RNF220: variants seen among roughly 807,000 people sequenced by gnomAD.
RNF220 encodes ring finger protein 220, also known as E3 ubiquitin-protein ligase RNF220.
Under a neutral mutation model 67.1 loss-of-function variants are expected in RNF220, and 7 were observed. That is an observed-to-expected ratio of 0.10 (90% confidence interval 0.06 to 0.20). RNF220 has a LOEUF of 0.20. Ranked by LOEUF, RNF220 falls within the 10% of genes least tolerant of loss-of-function variation. The probability of loss-of-function intolerance (pLI) is 1.00; values close to 1 mark genes in which losing one functional copy is unlikely to be tolerated. For synonymous variants in RNF220, 270 were observed against 283.2 expected, an observed-to-expected ratio of 0.95 and a Z score of 0.47; for missense variants, 565 against 740.3, an observed-to-expected ratio of 0.76 and a Z score of 2.75.
chr1:44,631,979 GGCCGCCGCCGCCGCTTGGAGCTGAAGT>G (rs1557459626), intron 5 of RNF220: 40 of 1,001,720 alleles, frequency 4.0e-5, no homozygotes, highest in African/African-American at 1.0e-4. Context: ...GGGCCAACAT[GGCCGCCGCCGCCGCTTGGAGCTGAAGT>G]GCCGCCGCCG....
chr1:44,644,546 G>A (rs1644580371), intron 8 of RNF220, 152 bp from the exon 9 acceptor site: 2 of 606,142 alleles, frequency 3.3e-6, no homozygotes, highest in Non-Finnish European at 5.9e-6. Flanking sequence ...CAGGGTCAGG[G>A]GCACTGAAGT....
At chr1:44,599,505 T>G (rs1009592048) in intron 2 of RNF220, among the ~76,000 whole-genome samples, 2 of 152,010 alleles carry the variant, frequency 1.3e-5, no homozygotes, top group Admixed American at 6.6e-5. Flanking sequence ...CAACCCTATC[T>G]CTACAAAAAG....
intron 6 of RNF220, 88 bp downstream of exon 6, chr1:44,632,473 C>T (rs1234991834): frequency 2.8e-6 from 3 of 1,083,582 alleles, no homozygotes; most frequent in Non-Finnish European, 2.5e-6. Context: ...TTGCCTGGGT[C>T]TCTTCGACTC....
chr1:44,515,700 A>C (rs1659401600), intron 2 of RNF220, among the ~76,000 whole-genome samples: 1 of 152,162 alleles, frequency 6.6e-6, no homozygotes, highest in South Asian at 2.1e-4. Context: ...CATGAAAATC[A>C]CACAGTATGA....
chr1:44,443,959 C>T (rs115758150), intron 2 of RNF220, among the ~76,000 whole-genome samples: 2,488 of 152,224 alleles, frequency 0.016, 69 homozygotes, highest in African/African-American at 0.055. Flanking sequence ...AACATGTTGG[C>T]GCATGCCTGT....
intron 2 of RNF220, among the ~76,000 whole-genome samples, chr1:44,414,450 C>T (rs1361104931): frequency 6.6e-6 from 1 of 152,220 alleles, no homozygotes; most frequent in Non-Finnish European, 1.5e-5. Context: ...TCCAGCTTGT[C>T]TCCATTTTTC....
intron 2 of RNF220, among the ~76,000 whole-genome samples, chr1:44,423,653 G>T (rs1201988655): frequency 6.6e-6 from 1 of 152,104 alleles, no homozygotes; most frequent in African/African-American, 2.4e-5. Flanking sequence ...TAGATTAAGG[G>T]TCCTCATCTT....
intron 2 of RNF220, among the ~76,000 whole-genome samples, chr1:44,539,966 T>C (rs962209456): frequency 6.6e-6 from 1 of 152,234 alleles, no homozygotes; most frequent in Non-Finnish European, 1.5e-5. Flanking sequence ...CTTACTAACC[T>C]GACCTCTGTC....
chr1:44,632,243 G>C (rs1278225643), intron 5 of RNF220, 100 bp from the exon 6 acceptor site: 3 of 1,613,422 alleles, frequency 1.9e-6, no homozygotes, highest in African/African-American at 2.7e-5. Flanking sequence ...GGGCGGAGCA[G>C]CTTTGGTCGG....
intron 2 of RNF220, among the ~76,000 whole-genome samples, chr1:44,528,382 G>T (rs1020981787): frequency 6.6e-6 from 1 of 151,466 alleles, no homozygotes; most frequent in Non-Finnish European, 1.5e-5. Context: ...CTCACTGCAA[G>T]CTCCGTCTCC....
intron 2 of RNF220, among the ~76,000 whole-genome samples, chr1:44,580,562 G>C (rs565548236): frequency 6.6e-6 from 1 of 152,216 alleles, no homozygotes; most frequent in Non-Finnish European, 1.5e-5. Flanking sequence ...CAAGCTGTGT[G>C]TGAACTTTCT....
chr1:44,566,236 A>G (rs543008619), intron 2 of RNF220, among the ~76,000 whole-genome samples: 2 of 152,290 alleles, frequency 1.3e-5, no homozygotes, highest in South Asian at 2.1e-4. Context: ...CTGGATTAGC[A>G]TTGGCTTTCA....
At chr1:44,491,454 CAATGT>C (rs1188903970) in intron 2 of RNF220, among the ~76,000 whole-genome samples, 1 of 152,002 alleles carries the variant, frequency 6.6e-6, no homozygotes, top group Non-Finnish European at 1.5e-5. Flanking sequence ...CAAAATAAAT[CAATGT>C]AATATACCAT....
intron 2 of RNF220, among the ~76,000 whole-genome samples, chr1:44,601,526 G>T (rs1006160351): frequency 6.6e-6 from 1 of 152,084 alleles, no homozygotes; most frequent in African/African-American, 2.4e-5. Flanking sequence ...AGGCAGGATT[G>T]GTATCAAAGC....
rs987012286 is a variant in RNF220 at position 44,441,142 on chromosome 1, G to A, written c.625+28420G>A. ...AAGAATGCTGATCCCCAGTTAAAGG[G>A]GGGAAATCCTTGCCCTAGTGCAATC... On this transcript the variant is annotated intron_variant, in intron 2 of 14. Transcript: ENST00000361799. Among the ~76,000 whole-genome samples, 4 of 152,180 alleles carry A rather than the reference G, an allele frequency of 2.6e-5. No individual in the cohort carries two copies. In the South Asian group the frequency reaches 8.3e-4, roughly 32 times the overall value.
chr1:44,505,821 G>A (rs1007605233), intron 2 of RNF220, among the ~76,000 whole-genome samples: 16 of 152,190 alleles, frequency 1.1e-4, no homozygotes, highest in Admixed American at 8.5e-4. Flanking sequence ...GCGACATGGC[G>A]CACTGCTGGG....
chr1:44,614,040 GC>G (rs1643434566), intron 2 of RNF220, 124 bp from the exon 3 acceptor site: 1 of 1,295,078 alleles, frequency 7.7e-7, no homozygotes, highest in South Asian at 1.5e-5. Context: ...AAACCCTCAG[GC>G]CCCTCCTCTA....
intron 2 of RNF220, among the ~76,000 whole-genome samples, chr1:44,442,705 C>A (rs1489086310): frequency 1.3e-5 from 2 of 151,916 alleles, no homozygotes; most frequent in African/African-American, 4.8e-5. Flanking sequence ...TTAGTAGAGA[C>A]AGGATTTTAC....
chr1:44,462,176 G>T (rs563922926), intron 2 of RNF220, among the ~76,000 whole-genome samples: 7 of 151,694 alleles, frequency 4.6e-5, no homozygotes, highest in Non-Finnish European at 8.8e-5. Context: ...CAAGTGATCC[G>T]CCCGCCTCGG....
Sources: gnomAD v4.1 joint callset for allele counts (sites outside exome capture counted in the v4.1 genomes callset) on GRCh38, gnomAD v4.1.1 for gene constraint, MANE v1.5 for transcripts, NCBI Gene and HGNC (gene_info 2026-07-23, HGNC 2026-07-21) for gene names.